CALCB: variants seen among roughly 807,000 people sequenced by gnomAD.
The protein encoded by CALCB is calcitonin related polypeptide beta, also known as calcitonin gene-related peptide 2.
Under a neutral mutation model 10.7 loss-of-function variants are expected in CALCB, and 8 were observed. The observed-to-expected ratio is 0.75, with a 90% CI of 0.44 to 1.34. The LOEUF is 1.34. Ranked by LOEUF, CALCB falls within the 40% of genes most tolerant of loss-of-function variation. CALCB has a pLI of 0.01. For missense variants in CALCB, 176 were observed against 162.5 expected, an observed-to-expected ratio of 1.08 and a Z score of -0.45; for synonymous variants, 76 against 66.9, an observed-to-expected ratio of 1.14 and a Z score of -0.66.
chr11:15,077,159 T>C (rs922755895), intron 3 of CALCB, 127 bp from the exon 4 acceptor site: 7 of 993,324 alleles, frequency 7.0e-6, no homozygotes, highest in Middle Eastern at 3.2e-4. Context: ...ACAGCTTTGA[T>C]AATTGCATTT....
chr11:15,074,452 C>T (rs1850375405), intron 1 of CALCB, among the ~76,000 whole-genome samples: 1 of 152,228 alleles, frequency 6.6e-6, no homozygotes, highest in Admixed American at 6.5e-5. Flanking sequence ...TGGCTTCTCC[C>T]TGGCCTTCAA....
chr11:15,075,597 C>T (rs1410341992), intron 3 of CALCB, among the ~76,000 whole-genome samples: 1 of 152,166 alleles, frequency 6.6e-6, no homozygotes, highest in Non-Finnish European at 1.5e-5. Flanking sequence ...CAGGAATAGA[C>T]CCAATATCTC....
chr11:15,077,923 C>A (rs1189175130), intron 4 of CALCB, among the ~76,000 whole-genome samples, 160 bp from the exon 5 acceptor site: 2 of 152,204 alleles, frequency 1.3e-5, no homozygotes, highest in Non-Finnish European at 2.9e-5. Context: ...TTTAAAGAAA[C>A]ACTTCTGTAA....
rs764379130 is a variant in CALCB at position 15,077,399 on chromosome 11, T to C, written c.338T>C (p.Val113Ala). The change falls in exon 4 of 5, where the codon GTG becomes GCG. Residue 113 changes from valine to alanine, a missense_variant. Transcript: ENST00000324229. ...MVKSNFVPTNVGSKAFGRRRR... is the reference protein window; with the variant it reads ...MVKSNFVPTNAGSKAFGRRRR... ...AAGAGCAACTTCGTGCCCACCAATG[T>C]GGGTTCCAAAGCCTTTGGCAGGCGC... 4 of 1,614,246 alleles carry C rather than the reference T, an allele frequency of 2.5e-6. No individual in the cohort carries two copies. The highest frequency in any genetic ancestry group is 3.4e-6 in the Non-Finnish European group (4 of 1,180,054).
Position 15,077,336 on chromosome 11 carries a change from G to A in CALCB, c.275G>A (p.Arg92Gln), listed in dbSNP as rs373455120. 1.9e-5 allele frequency: 30 copies of A among 1,614,228 alleles called. No homozygotes were observed. The highest frequency in any genetic ancestry group is 1.5e-4 in the South Asian group (14 of 91,086). ...AACACTGCCACCTGTGTGACTCATC[G>A]GCTGGCAGGCTTGCTGAGCAGATCA... The part of the protein sequence containing the change: ...ACNTATCVTH[R>Q]LAGLLSRSGG... The change falls in exon 4 of 5, where the codon CGG becomes CAG. Residue 92 changes from arginine (R) to glutamine (Q), a missense_variant. Arg to Gln is a conservative substitution (Grantham distance 43, BLOSUM62 1). Coordinates refer to ENST00000324229, the MANE Select transcript of CALCB (RefSeq NM_000728.4).
chr11:15,077,562 G>C, intron 4 of CALCB, 92 bp downstream of exon 4: 1 of 1,294,050 alleles, frequency 7.7e-7, no homozygotes, highest in Non-Finnish European at 1.1e-6. Flanking sequence ...GGTTCTTTAG[G>C]TTCCTTCTGT....
At position 15,074,816 on chromosome 11, in the gene CALCB, T is replaced by C; in HGVS notation, c.86+12T>C. On this transcript the variant is annotated intron_variant, in intron 2 of 4. Coordinates refer to ENST00000324229, the MANE Select transcript of CALCB (RefSeq NM_000728.4). ...GCGGCGCCATTCAGGTGAGACAGCCTGGAGCCAGAGGCGCCTTCTGCTCCC... is the reference window on the plus strand; with the variant it reads ...GCGGCGCCATTCAGGTGAGACAGCCCGGAGCCAGAGGCGCCTTCTGCTCCC... The C allele has an allele frequency of 1.2e-6, 2 of 1,609,694 alleles. No individual in the cohort carries two copies. Among genetic ancestry groups the C allele is most frequent in the Non-Finnish European group, 1.7e-6 (2 of 1,177,682 alleles).
chr11:15,074,893 T>C (rs1433292651), intron 2 of CALCB, 89 bp downstream of exon 2: 14 of 1,399,416 alleles, frequency 1.0e-5, no homozygotes, highest in Non-Finnish European at 1.4e-5. Context: ...GCGTGGCTCC[T>C]GGTGAATCAG....
At chr11:15,073,689 C>G (rs759120057) in intron 1 of CALCB, 26 bp downstream of exon 1, 4 of 152,414 alleles carry the variant, frequency 2.6e-5, no homozygotes, top group African/African-American at 4.8e-5. Flanking sequence ...TTCCCCATTC[C>G]GCTCACTCGA....
chr11:15,074,300 C>T (rs1850374227), intron 1 of CALCB, among the ~76,000 whole-genome samples: 1 of 152,250 alleles, frequency 6.6e-6, no homozygotes, highest in Admixed American at 6.5e-5. Context: ...CCACCCTTCC[C>T]ACCTTCCCCT....
At position 15,077,553 on chromosome 11, in the gene CALCB, G is replaced by C. The variant is rs191035986; in HGVS notation, c.*25+83G>C. ...ATTTTGAAAACCTCTGCTCTGGTAG[G>C]TTCTTTAGGTTCCTTCTGTCCAGTT... On this transcript the variant is annotated intron_variant, in intron 4 of 4. Coordinates refer to ENST00000324229, the MANE Select transcript of CALCB (RefSeq NM_000728.4). The C allele has an allele frequency of 3.0e-5, 41 of 1,357,384 alleles. No individual in the cohort carries two copies. The African/African-American group carries it at 5.5e-4, about 18-fold the overall frequency. The allele number at this position is 1,357,384 out of a possible 1,614,324, so 84.1% of individuals were successfully genotyped here.
At chr11:15,074,439 G>T (rs11023424) in intron 1 of CALCB, among the ~76,000 whole-genome samples, 34,256 of 152,194 alleles carry the variant, frequency 0.23, 4,642 homozygotes, top group Admixed American at 0.37. Flanking sequence ...GCACGGGCGC[G>T]TGTGGCTTCT....
chr11:15,073,881 A>G (rs577029962), intron 1 of CALCB, among the ~76,000 whole-genome samples: 3 of 152,328 alleles, frequency 2.0e-5, no homozygotes, highest in Admixed American at 6.5e-5. Context: ...AAGCATCCCC[A>G]TGGCTCAGCG....
chr11:15,077,303 G>C lies in CALCB; in HGVS notation c.242G>C (p.Arg81Thr). 6.2e-7 allele frequency: 1 copy of C among 1,614,168 alleles called. No homozygotes were observed. Among genetic ancestry groups the C allele is most frequent in the South Asian group, 1.1e-5 (1 of 91,086 alleles). The stretch of plus-strand genomic sequence containing the variant: ...CAAATCAGCTCCGCTGCCCAGAAGA[G>C]AGCCTGCAACACTGCCACCTGTGTG... ...TQGSSSAAQK[R>T]ACNTATCVTH... The change falls in exon 4 of 5, where the codon AGA becomes ACA. Residue 81 changes from arginine (R) to threonine (T), a missense_variant. Physicochemically the swap from Arg to Thr is moderately conservative, Grantham distance 71 (BLOSUM62 -1). Coordinates refer to ENST00000324229, the MANE Select transcript of CALCB (RefSeq NM_000728.4).
chr11:15,077,475 C>A lies in CALCB; in HGVS notation c.*25+5C>A, dbSNP rs769528258. The A allele has an allele frequency of 1.9e-6, 3 of 1,613,130 alleles. No individual in the cohort carries two copies. In the East Asian group the frequency reaches 6.7e-5, roughly 36 times the overall value. On this transcript the variant is annotated splice_donor_5th_base_variant and intron_variant, in intron 4 of 4. Transcript: ENST00000324229. Reference sequence around the variant, plus strand: ...ATGAATGACTCCAGGAAGAAGGTAACTACCCTAATGCTATGGGATAAGAGG... The same window carrying A: ...ATGAATGACTCCAGGAAGAAGGTAAATACCCTAATGCTATGGGATAAGAGG...
At chr11:15,073,757 C>G (rs764594297) in intron 1 of CALCB, 94 bp downstream of exon 1, 1 of 152,636 alleles carries the variant, frequency 6.6e-6, no homozygotes, top group African/African-American at 2.4e-5. Flanking sequence ...TCTGCCTCTC[C>G]GCCGCCATCT....
Position 15,076,563 on chromosome 11 carries a change from C to T in CALCB, c.225-723C>T, listed in dbSNP as rs369044575. On this transcript the variant is annotated intron_variant, in intron 3 of 4. Transcript: ENST00000324229. ...TAGAGATAAAAGAAAATAAGGGAAG[C>T]TTCTTGAGACTGTAGAGGGTGTTAT... Among the ~76,000 whole-genome samples the T allele has an allele frequency of 2.8e-4, 43 of 152,346 alleles. No homozygotes were observed. The South Asian group carries it at 8.7e-3, about 31-fold the overall frequency.
rs1223499663 is a variant in CALCB at position 15,077,378 on chromosome 11, G to C, written c.317G>C (p.Ser106Thr). ...LLSRSGGMVK[S>T]NFVPTNVGSK... Reference sequence around the variant, plus strand: ...AGCAGATCAGGGGGCATGGTGAAGAGCAACTTCGTGCCCACCAATGTGGGT... The same window carrying C: ...AGCAGATCAGGGGGCATGGTGAAGACCAACTTCGTGCCCACCAATGTGGGT... Residue 106 changes from serine to threonine, a missense_variant, in exon 4 of 5, where the codon AGC (serine) becomes ACC (threonine). Coordinates refer to ENST00000324229, the MANE Select transcript of CALCB (RefSeq NM_000728.4). 1 of 1,614,118 alleles carries C rather than the reference G, an allele frequency of 6.2e-7. No individual in the cohort carries two copies. The highest frequency in any genetic ancestry group is 2.2e-5 in the East Asian group (1 of 44,892).
chr11:15,074,957 A>G (rs1850379768), intron 2 of CALCB, 104 bp from the exon 3 acceptor site: 3 of 1,488,604 alleles, frequency 2.0e-6, no homozygotes, highest in South Asian at 2.3e-5. Context: ...CGCGGTGGCC[A>G]CATCCCCAGG....
Sources: gnomAD v4.1 joint callset for allele counts (sites outside exome capture counted in the v4.1 genomes callset) on GRCh38, gnomAD v4.1.1 for gene constraint, MANE v1.5 for transcripts, NCBI Gene and HGNC (gene_info 2026-07-23, HGNC 2026-07-21) for gene names.